Variants in ADGRL3 observed in about 807,000 individuals in gnomAD.
ADGRL3 encodes calcium-independent alpha-latrotoxin receptor 3.
Under a neutral mutation model 153.5 loss-of-function variants are expected in ADGRL3, and 62 were observed. The ratio of observed to expected loss-of-function variants is 0.40; its 90% CI spans 0.33 to 0.50. ADGRL3 has a LOEUF of 0.50. ADGRL3 is among the 20% of genes least tolerant of loss of function. The pLI is 0.47. For missense variants in ADGRL3, 1,641 were observed against 1,859.4 expected, an observed-to-expected ratio of 0.88 and a Z score of 2.16; for synonymous variants, 710 against 672.5, an observed-to-expected ratio of 1.06 and a Z score of -0.86.
At position 61,645,429 on chromosome 4, in the gene ADGRL3, G is replaced by A. The variant is rs890834099; in HGVS notation, c.474-31397G>A. Reference sequence around the variant, plus strand: ...GATTTTGCAGCGGCTGGTACCGGTTGTTCCTTTCCATGTTTAGCGCTTCCT... The same window carrying A: ...GATTTTGCAGCGGCTGGTACCGGTTATTCCTTTCCATGTTTAGCGCTTCCT... On this transcript the variant is annotated intron_variant, in intron 5 of 26. Transcript: ENST00000683033. Among the ~76,000 whole-genome samples, 82 of 151,016 alleles carry A rather than the reference G, an allele frequency of 5.4e-4. 3 individuals are homozygous for A. The highest frequency in any genetic ancestry group is 6.8e-3 in the Middle Eastern group (2 of 294).
intron 8 of ADGRL3, among the ~76,000 whole-genome samples, chr4:61,805,638 T>C (rs926223378): frequency 1.3e-5 from 2 of 152,192 alleles, no homozygotes; most frequent in African/African-American, 4.8e-5. Context: ...GTTAAATAGA[T>C]GGATAATAGA....
intron 4 of ADGRL3, among the ~76,000 whole-genome samples, chr4:61,563,088 C>T (rs1446686115): frequency 6.6e-6 from 1 of 151,880 alleles, no homozygotes; most frequent in Middle Eastern, 3.4e-3. Context: ...ACACTAAAAT[C>T]TTATAAAATG....
chr4:61,701,525 C>A (rs2095759560), intron 6 of ADGRL3, among the ~76,000 whole-genome samples: 1 of 149,304 alleles, frequency 6.7e-6, no homozygotes, highest in Non-Finnish European at 1.5e-5. Flanking sequence ...ACCCCTGCCT[C>A]CCAGTTTCAA....
At chr4:61,228,554 T>C (rs993256697) in intron 1 of ADGRL3, among the ~76,000 whole-genome samples, 3 of 152,160 alleles carry the variant, frequency 2.0e-5, no homozygotes, top group African/African-American at 7.2e-5. Flanking sequence ...TGTTCTAGAT[T>C]AAAACTAGAC....
chr4:61,412,137 T>G (rs914111997), intron 2 of ADGRL3, among the ~76,000 whole-genome samples: 1 of 152,108 alleles, frequency 6.6e-6, no homozygotes, highest in African/African-American at 2.4e-5. Context: ...CCAGGTGGCA[T>G]GTAGTGGCAT....
At chr4:61,680,062 C>T (rs1343870542) in intron 6 of ADGRL3, among the ~76,000 whole-genome samples, 1 of 151,888 alleles carries the variant, frequency 6.6e-6, no homozygotes, top group African/African-American at 2.4e-5. Flanking sequence ...CATGAAAATA[C>T]TACTTGCACT....
At chr4:61,938,093 A>G (rs2098846683) in intron 15 of ADGRL3, among the ~76,000 whole-genome samples, 1 of 152,190 alleles carries the variant, frequency 6.6e-6, no homozygotes, top group East Asian at 1.9e-4. Context: ...ACATTTAAGC[A>G]TTAATTTTGG....
chr4:62,007,457 C>CATATACACACATATATGTAT (rs2099165461), intron 21 of ADGRL3, among the ~76,000 whole-genome samples: 2 of 103,730 alleles, frequency 1.9e-5, no homozygotes, highest in South Asian at 2.9e-4. Flanking sequence ...CATATATATA[C>CATATACACACATATATGTAT]ATATATGTGT....
At chr4:61,252,187 T>C (rs4518281) in intron 1 of ADGRL3, among the ~76,000 whole-genome samples, 150,115 of 152,298 alleles carry the variant, frequency 0.99, 74,017 homozygotes, top group East Asian at 1. Context: ...CCAGCCCCTA[T>C]GATTCTTATG....
At chr4:61,707,296 C>G (rs549010586) in intron 6 of ADGRL3, among the ~76,000 whole-genome samples, 1 of 152,116 alleles carries the variant, frequency 6.6e-6, no homozygotes, top group South Asian at 2.1e-4. Context: ...ACAGAGACAC[C>G]AAGTAAGCAC....
intron 25 of ADGRL3, among the ~76,000 whole-genome samples, chr4:62,046,414 T>A (rs530920966): frequency 6.6e-6 from 1 of 152,082 alleles, no homozygotes; most frequent in African/African-American, 2.4e-5. Context: ...TACTAGTTTC[T>A]TCCTTTTTAA....
chr4:62,037,165 GA>G (rs1445506661), intron 23 of ADGRL3, among the ~76,000 whole-genome samples: 1 of 152,090 alleles, frequency 6.6e-6, no homozygotes. Context: ...AAACTTCAGA[GA>G]AATATAGACT....
chr4:62,043,473 A>C (rs560494125), intron 24 of ADGRL3, among the ~76,000 whole-genome samples: 1 of 152,188 alleles, frequency 6.6e-6, no homozygotes, highest in East Asian at 1.9e-4. Flanking sequence ...ATACAACAAT[A>C]TTTCTGAAGA....
Position 61,584,171 on chromosome 4 carries a change from G to C in ADGRL3, c.260-3056G>C, listed in dbSNP as rs369436242. 1.2e-4 allele frequency among the ~76,000 whole-genome samples: 18 copies of C among 152,032 alleles called. No homozygotes were observed. In the South Asian group the frequency reaches 1.9e-3, roughly 16 times the overall value. Reference sequence around the variant, plus strand: ...AAATAGCTAATTAGATAATGTTATAGAGTAATTTCCAGCCATACATTCCCA... The same window carrying C: ...AAATAGCTAATTAGATAATGTTATACAGTAATTTCCAGCCATACATTCCCA... On this transcript the variant is annotated intron_variant, in intron 4 of 26. Transcript: ENST00000683033.
rs866374565 is a variant in ADGRL3, at chr4:61,745,294, T to C, written c.1399+11740T>C. On this transcript the variant is annotated intron_variant, in intron 8 of 26. Transcript: ENST00000683033. ...AGTTGGAAAACACTCTGCAGGATAT[T>C]ATCCAGGAGAACTTCCCCAATCTAG... is the stretch of plus-strand genomic sequence containing the variant. Among the ~76,000 whole-genome samples, 50 of 152,270 alleles carry C rather than the reference T, an allele frequency of 3.3e-4. 1 individual carries two copies. Among genetic ancestry groups the C allele is most frequent in the African/African-American group, 1.2e-3 (48 of 41,556 alleles).
intron 1 of ADGRL3, among the ~76,000 whole-genome samples, chr4:61,330,450 T>TCTGAGTTTCAG (rs1283191639): frequency 3.3e-5 from 5 of 152,218 alleles, no homozygotes; most frequent in Admixed American, 3.3e-4. Flanking sequence ...GATCTCCTGG[T>TCTGAGTTTCAG]TCTTAGGCCT....
intron 1 of ADGRL3, among the ~76,000 whole-genome samples, chr4:61,274,531 G>A (rs888487392): frequency 5.3e-5 from 8 of 152,102 alleles, no homozygotes; most frequent in South Asian, 4.1e-4. Flanking sequence ...CAGTAAATGC[G>A]TTGAATAACT....
chr4:62,012,029 A>T (rs528352103), intron 21 of ADGRL3, among the ~76,000 whole-genome samples: 2 of 152,106 alleles, frequency 1.3e-5, no homozygotes, highest in Admixed American at 1.3e-4. Context: ...ATTAATATAT[A>T]TAATTTTATG....
At chr4:61,388,201 G>C (rs2096761926) in intron 2 of ADGRL3, among the ~76,000 whole-genome samples, 1 of 152,128 alleles carries the variant, frequency 6.6e-6, no homozygotes, top group Non-Finnish European at 1.5e-5. Flanking sequence ...CTTGGGCATG[G>C]TATCTATCCT....
Sources: gnomAD v4.1 joint callset for allele counts (sites outside exome capture counted in the v4.1 genomes callset) on GRCh38, gnomAD v4.1.1 for gene constraint, MANE v1.5 for transcripts, NCBI Gene and HGNC (gene_info 2026-07-23, HGNC 2026-07-21) for gene names.